The following DMD variants were observed in gnomAD, a reference collection of about 807,000 sequenced individuals.
The protein encoded by DMD is dystrophin.
DMD carries 63 observed loss-of-function variants against 330.1 expected under a neutral mutation model. The observed-to-expected ratio is 0.19, with a 90% CI of 0.16 to 0.24. The LOEUF is 0.24. Ranked by LOEUF, DMD falls within the 10% of genes least tolerant of loss-of-function variation. The pLI is 1.00. For synonymous variants in DMD, 1,223 were observed against 959.8 expected, an observed-to-expected ratio of 1.27 and a Z score of -5.07; for missense variants, 3,344 against 2,684.1, an observed-to-expected ratio of 1.25 and a Z score of -5.43.
intron 2 of DMD, among the ~76,000 whole-genome samples, chrX:32,952,012 A>C (rs916710861): frequency 9.0e-6 from 1 of 111,678 alleles, no homozygotes; most frequent in Non-Finnish European, 1.9e-5. Flanking sequence ...CATTTTCCTG[A>C]GCCACTTTAT....
chrX:31,385,147 G>C (rs966694033), intron 60 of DMD, among the ~76,000 whole-genome samples: 6 of 112,155 alleles, frequency 5.3e-5, no homozygotes, highest in African/African-American at 1.9e-4. Flanking sequence ...CCTCAGGAGA[G>C]TTAATTCACC....
intron 17 of DMD, among the ~76,000 whole-genome samples, chrX:32,540,088 T>C (rs2048353197): frequency 8.9e-6 from 1 of 111,933 alleles, no homozygotes; most frequent in African/African-American, 3.2e-5. Flanking sequence ...AAATTAAAGC[T>C]TTTTTTAAAA....
intron 1 of DMD, among the ~76,000 whole-genome samples, chrX:33,165,567 G>A (rs1335447644): frequency 9.0e-6 from 1 of 110,599 alleles, no homozygotes; most frequent in Non-Finnish European, 1.9e-5. Context: ...GAATATACAG[G>A]AGAATAGCCA....
intron 7 of DMD, among the ~76,000 whole-genome samples, chrX:32,793,457 TAGAG>T (rs2075966903): frequency 9.7e-6 from 1 of 102,989 alleles, no homozygotes; most frequent in Non-Finnish European, 2.0e-5. Context: ...CTCAAGAAAA[TAGAG>T]AGCAAAAAAT....
chrX:32,637,292 C>T (rs1164859995), intron 11 of DMD, among the ~76,000 whole-genome samples: 4 of 112,152 alleles, frequency 3.6e-5, no homozygotes, highest in African/African-American at 1.3e-4. Flanking sequence ...CTGGCACATA[C>T]TACACACTCA....
At position 32,287,546 on chromosome X, in the gene DMD, C is replaced by T. The variant is rs771990386; in HGVS notation, c.6273G>A (p.Met2091Ile). ...LDFQWEKVNK[M>I]YKDRQGRFDR... ...TTACCTACCCTTGTCGGTCCTTGTACATTTTGTTAACTTTTTCCCATTGGA... is the reference window on the plus strand; with the variant it reads ...TTACCTACCCTTGTCGGTCCTTGTATATTTTGTTAACTTTTTCCCATTGGA... The change falls in exon 43 of 79, where the codon ATG becomes ATA. Residue 2091 changes from methionine to isoleucine, a missense_variant. Transcript: ENST00000357033. 8.3e-7 allele frequency: 1 copy of T among 1,210,767 alleles called. No individual in the cohort carries two copies. Among genetic ancestry groups the T allele is most frequent in the Non-Finnish European group, 1.1e-6 (1 of 894,943 alleles).
chrX:32,293,625 G>A lies in DMD; in HGVS notation c.6118-5924C>T, dbSNP rs190691736. ...TATAAAATAGAAAATAGCTTTGTAC[G>A]ACATTGCAGTATGCTGTATTTGACA... On this transcript the variant is annotated intron_variant, in intron 42 of 78. Coordinates refer to ENST00000357033, the MANE Select transcript of DMD (RefSeq NM_004006.3). 2.1e-3 allele frequency among the ~76,000 whole-genome samples: 238 copies of A among 111,819 alleles called. 1 individual carries two copies. The highest frequency in any genetic ancestry group is 7.3e-3 in the African/African-American group (224 of 30,822).
chrX:32,835,419 G>A (rs2079528581), intron 4 of DMD, among the ~76,000 whole-genome samples: 1 of 112,665 alleles, frequency 8.9e-6, no homozygotes, highest in Admixed American at 9.4e-5. Context: ...TTTGTATTTT[G>A]TTCGCTTTTT....
chrX:31,433,175 C>T (rs923717039), intron 60 of DMD, among the ~76,000 whole-genome samples: 4 of 111,959 alleles, frequency 3.6e-5, no homozygotes, highest in Non-Finnish European at 7.5e-5. Flanking sequence ...TGCTTTAATT[C>T]GCTTAGGATA....
chrX:32,865,898 C>T (rs1000444858), intron 2 of DMD, among the ~76,000 whole-genome samples: 3 of 112,194 alleles, frequency 2.7e-5, no homozygotes, highest in Admixed American at 9.5e-5. Flanking sequence ...AATCCATACC[C>T]TTTGCAATGT....
At chrX:31,766,281 G>A (rs1648351039) in intron 51 of DMD, among the ~76,000 whole-genome samples, 1 of 111,605 alleles carries the variant, frequency 9.0e-6, no homozygotes, top group Non-Finnish European at 1.9e-5. Context: ...TATTTGAGAC[G>A]GAGTTTCGCT....
intron 22 of DMD, among the ~76,000 whole-genome samples, chrX:32,471,487 T>A (rs908643237): frequency 2.7e-5 from 3 of 111,909 alleles, no homozygotes; most frequent in Non-Finnish European, 5.6e-5. Flanking sequence ...GGATTCTGAA[T>A]GAGTGGATTC....
At chrX:31,786,894 ACTTC>A (rs1207242809) in intron 50 of DMD, among the ~76,000 whole-genome samples, 3 of 111,820 alleles carry the variant, frequency 2.7e-5, no homozygotes, top group African/African-American at 9.7e-5. Flanking sequence ...TGCCTCCTTC[ACTTC>A]CTTATAAATA....
chrX:32,711,868 G>A, intron 7 of DMD, among the ~76,000 whole-genome samples: 1 of 111,781 alleles, frequency 8.9e-6, no homozygotes. Flanking sequence ...TTCTTAAGAT[G>A]TGCTCAATTA....
At chrX:33,242,841 T>A (rs976437813) in intron 1 of DMD, among the ~76,000 whole-genome samples, 1 of 111,932 alleles carries the variant, frequency 8.9e-6, no homozygotes, top group African/African-American at 3.2e-5. Context: ...ATTTCCCTGA[T>A]CATTAGTGAT....
chrX:32,956,428 C>T (rs2091588497), intron 2 of DMD, among the ~76,000 whole-genome samples: 1 of 111,288 alleles, frequency 9.0e-6, no homozygotes, highest in Admixed American at 9.6e-5. Flanking sequence ...CTTTCTATGG[C>T]AGTTGTGAAT....
At chrX:32,623,218 G>T (rs770282309) in intron 11 of DMD, among the ~76,000 whole-genome samples, 1 of 111,855 alleles carries the variant, frequency 8.9e-6, no homozygotes, top group South Asian at 3.7e-4. Context: ...TCAGTAAAGT[G>T]CAGGTGAATT....
intron 43 of DMD, among the ~76,000 whole-genome samples, chrX:32,234,221 G>A (rs188471830): frequency 1.3e-3 from 148 of 111,465 alleles, no homozygotes; most frequent in Non-Finnish European, 2.2e-3. Flanking sequence ...TAGTTATGTT[G>A]GGTCAGGAAA....
chrX:32,157,100 G>A (rs1015186540), intron 44 of DMD, among the ~76,000 whole-genome samples: 19 of 112,315 alleles, frequency 1.7e-4, no homozygotes, highest in African/African-American at 5.8e-4. Flanking sequence ...AATAAACAGC[G>A]TAATTAAGCA....
Sources: gnomAD v4.1 joint callset for allele counts (sites outside exome capture counted in the v4.1 genomes callset) on GRCh38, gnomAD v4.1.1 for gene constraint, MANE v1.5 for transcripts, NCBI Gene and HGNC (gene_info 2026-07-23, HGNC 2026-07-21) for gene names.